The following MARCHF7 variants were observed in gnomAD, a reference collection of about 807,000 sequenced individuals.
The protein encoded by MARCHF7 is E3 ubiquitin-protein ligase MARCHF7.
In MARCHF7, 20 loss-of-function variants were observed where a neutral mutation model predicts 76.5. That is an observed-to-expected ratio of 0.26 (90% confidence interval 0.18 to 0.38). The LOEUF (loss-of-function observed/expected upper bound fraction) is 0.38. MARCHF7 is among the 10% of genes least tolerant of loss of function. MARCHF7 has a pLI of 1.00. For synonymous variants in MARCHF7, 295 were observed against 293.0 expected (o/e 1.01, Z -0.07); for missense variants, 797 against 812.9 (o/e 0.98, Z 0.24).
chr2:159,760,572 A>G (rs1476180578), intron 9 of MARCHF7, among the ~76,000 whole-genome samples: 1 of 152,210 alleles, frequency 6.6e-6, no homozygotes, highest in Non-Finnish European at 1.5e-5. Context: ...GAAACATGGA[A>G]AAGTGGAATC....
chr2:159,749,827 TCTTACC>T (rs1705409187), intron 7 of MARCHF7, among the ~76,000 whole-genome samples: 2 of 152,202 alleles, frequency 1.3e-5, no homozygotes, highest in Admixed American at 1.3e-4. Context: ...AACCTTAATG[TCTTACC>T]CAATTCCTTA....
chr2:159,741,604 C>T (rs1704136134), intron 4 of MARCHF7, among the ~76,000 whole-genome samples: 1 of 152,066 alleles, frequency 6.6e-6, no homozygotes, highest in South Asian at 2.1e-4. Flanking sequence ...TGATGGACTA[C>T]ATTATTTGGG....
chr2:159,714,432 G>A (rs1367348580), intron 1 of MARCHF7, 125 bp from the exon 2 acceptor site: 1 of 152,232 alleles, frequency 6.6e-6, no homozygotes, highest in East Asian at 1.9e-4. Flanking sequence ...GGGAGCATAG[G>A]GGAGGGGTGC....
chr2:159,763,103 T>C, intron 10 of MARCHF7, 110 bp downstream of exon 10: 1 of 535,892 alleles, frequency 1.9e-6, no homozygotes, highest in Non-Finnish European at 3.1e-6. Context: ...GAAGCTTTTA[T>C]TTTTTAAATG....
chr2:159,727,768 A>G (rs1702341858), intron 3 of MARCHF7, among the ~76,000 whole-genome samples: 1 of 152,234 alleles, frequency 6.6e-6, no homozygotes, highest in Admixed American at 6.5e-5. Context: ...AACAACACAG[A>G]TGAATCTCAC....
At chr2:159,742,236 C>A (rs905125321) in intron 4 of MARCHF7, among the ~76,000 whole-genome samples, 5 of 151,562 alleles carry the variant, frequency 3.3e-5, no homozygotes, top group African/African-American at 1.2e-4. Context: ...GAAGAAATTT[C>A]TGATGTTAGG....
chr2:159,755,198 T>G (rs1706143569), intron 8 of MARCHF7, among the ~76,000 whole-genome samples: 1 of 152,106 alleles, frequency 6.6e-6, no homozygotes. Flanking sequence ...TTGACGTAAG[T>G]AGGCTAAAAT....
At chr2:159,715,633 T>A (rs1163238068) in intron 2 of MARCHF7, 48 bp from the exon 3 acceptor site, 1 of 152,220 alleles carries the variant, frequency 6.6e-6, no homozygotes, top group Admixed American at 6.5e-5. Context: ...GGCCTGAGTG[T>A]GAGTCACTGC....
intron 3 of MARCHF7, among the ~76,000 whole-genome samples, chr2:159,717,252 T>G (rs377109221): frequency 6.6e-6 from 1 of 152,140 alleles, no homozygotes; most frequent in African/African-American, 2.4e-5. Flanking sequence ...TCCTAGGCAG[T>G]GCAGCAACGT....
chr2:159,734,133 T>G, intron 4 of MARCHF7: 1 of 1,201,306 alleles, frequency 8.3e-7, no homozygotes, highest in Non-Finnish European at 1.1e-6. Flanking sequence ...CTATAAATAT[T>G]GTTAAAAAGG....
At chr2:159,742,705 G>A (rs928927118) in intron 4 of MARCHF7, among the ~76,000 whole-genome samples, 1 of 152,122 alleles carries the variant, frequency 6.6e-6, no homozygotes, top group Non-Finnish European at 1.5e-5. Flanking sequence ...CCCAGCGGCC[G>A]AGGCAGGCAG....
intron 3 of MARCHF7, among the ~76,000 whole-genome samples, chr2:159,718,659 T>C (rs1288046827): frequency 6.6e-6 from 1 of 152,186 alleles, no homozygotes; most frequent in African/African-American, 2.4e-5. Flanking sequence ...ATCCAAGCTC[T>C]ACCTGGTAGG....
At chr2:159,750,131 C>T (rs1705447207) in intron 7 of MARCHF7, among the ~76,000 whole-genome samples, 1 of 152,192 alleles carries the variant, frequency 6.6e-6, no homozygotes, top group Admixed American at 6.5e-5. Context: ...GTCTCAAACT[C>T]CTGGCTTCAA....
Position 159,750,999 on chromosome 2 carries a change from A to T in MARCHF7, c.1614-1403A>T, listed in dbSNP as rs112281857. ...TTCATTTTATAGGACAGATTTTACC[A>T]TGTGGCTGTTATTTTCCTGCTTTTA... On this transcript the variant is annotated intron_variant, in intron 7 of 11. Transcript: ENST00000409175. 7.2e-4 allele frequency among the ~76,000 whole-genome samples: 109 copies of T among 152,318 alleles called. 2 individuals are homozygous for T. The highest frequency in any genetic ancestry group is 2.5e-3 in the African/African-American group (104 of 41,574).
chr2:159,729,428 T>C (rs933724297), intron 4 of MARCHF7, among the ~76,000 whole-genome samples: 1 of 152,204 alleles, frequency 6.6e-6, no homozygotes, highest in East Asian at 1.9e-4. Context: ...CCCAGCACTT[T>C]GGCAGGCTGA....
At chr2:159,745,698 A>C (rs1023991995) in intron 5 of MARCHF7, 72 bp from the exon 6 acceptor site, 5 of 994,560 alleles carry the variant, frequency 5.0e-6, no homozygotes, top group Non-Finnish European at 7.5e-6. Flanking sequence ...TTTCCTCTCT[A>C]TTACTGAAGA....
intron 4 of MARCHF7, among the ~76,000 whole-genome samples, chr2:159,729,621 T>C (rs1293506719): frequency 1.3e-5 from 2 of 151,090 alleles, no homozygotes; most frequent in African/African-American, 4.9e-5. Flanking sequence ...TGCAGTGAGC[T>C]GAGATCATGA....
chr2:159,755,715 A>C (rs1184126456), intron 8 of MARCHF7, among the ~76,000 whole-genome samples: 3 of 152,206 alleles, frequency 2.0e-5, no homozygotes, highest in African/African-American at 7.2e-5. Context: ...ATTAGATCAG[A>C]TTTTAAATGT....
At chr2:159,724,579 T>A (rs1345743084) in intron 3 of MARCHF7, among the ~76,000 whole-genome samples, 1 of 152,228 alleles carries the variant, frequency 6.6e-6, no homozygotes, top group African/African-American at 2.4e-5. Context: ...TTATGTTGAA[T>A]TTATTTCAGT....
Sources: gnomAD v4.1 joint callset for allele counts (sites outside exome capture counted in the v4.1 genomes callset) on GRCh38, gnomAD v4.1.1 for gene constraint, MANE v1.5 for transcripts, NCBI Gene and HGNC (gene_info 2026-07-23, HGNC 2026-07-21) for gene names.